SPATA17: variants seen among roughly 807,000 people sequenced by gnomAD.
The protein encoded by SPATA17 is spermatogenesis-associated protein 17.
In SPATA17, 53 loss-of-function variants were observed where a neutral mutation model predicts 62.2. The observed-to-expected ratio is 0.85, with a 90% confidence interval of 0.68 to 1.07. The LOEUF is 1.07. SPATA17 is among the 50% of genes least tolerant of loss of function. SPATA17 has a pLI of 0.00. For synonymous variants in SPATA17, 146 were observed against 146.8 expected, an observed-to-expected ratio of 0.99 and a Z score of 0.04; for missense variants, 466 against 425.5, an observed-to-expected ratio of 1.10 and a Z score of -0.84.
chr1:217,668,944 A>G, intron 3 of SPATA17, 89 bp from the exon 4 acceptor site: 1 of 1,123,092 alleles, frequency 8.9e-7, no homozygotes, highest in East Asian at 2.4e-5. Context: ...TGTATTATGT[A>G]TAAAGATTCT....
chr1:217,747,469 A>C lies in SPATA17; in HGVS notation c.519+5371A>C, dbSNP rs1345138292. ...AATCTTCCTGGAGATTAGAAAAATTACAGACACAAATGTAAAATTCAAGAT... is the reference window on the plus strand; with the variant it reads ...AATCTTCCTGGAGATTAGAAAAATTCCAGACACAAATGTAAAATTCAAGAT... On this transcript the variant is annotated intron_variant, in intron 6 of 10. Transcript: ENST00000366933. Among the ~76,000 whole-genome samples, 7 of 152,274 alleles carry C rather than the reference A, an allele frequency of 4.6e-5. No individual in the cohort carries two copies. In the East Asian group the frequency reaches 1.4e-3, roughly 29 times the overall value.
At chr1:217,648,009 C>T (rs1670228578) in intron 1 of SPATA17, among the ~76,000 whole-genome samples, 1 of 152,122 alleles carries the variant, frequency 6.6e-6, no homozygotes, top group Non-Finnish European at 1.5e-5. Context: ...AGGCATGAGT[C>T]ACCAAGCGGG....
intron 3 of SPATA17, among the ~76,000 whole-genome samples, chr1:217,660,975 G>A (rs1202146347): frequency 6.6e-6 from 1 of 152,188 alleles, no homozygotes; most frequent in Admixed American, 6.5e-5. Context: ...ACACCTCCAT[G>A]TGGTGGTATC....
At chr1:217,638,399 T>C (rs914467337) in intron 1 of SPATA17, among the ~76,000 whole-genome samples, 5 of 152,192 alleles carry the variant, frequency 3.3e-5, no homozygotes, top group African/African-American at 1.2e-4. Flanking sequence ...GATGGTTCCA[T>C]TTAATTCAAA....
At chr1:217,804,975 G>T (rs1184853597) in intron 9 of SPATA17, among the ~76,000 whole-genome samples, 1 of 152,058 alleles carries the variant, frequency 6.6e-6, no homozygotes, top group African/African-American at 2.4e-5. Context: ...GAAAATGGAG[G>T]TTCTTCAAAA....
intron 6 of SPATA17, among the ~76,000 whole-genome samples, chr1:217,761,117 C>T (rs1673163197): frequency 6.6e-6 from 1 of 152,132 alleles, no homozygotes; most frequent in Non-Finnish European, 1.5e-5. Context: ...CCAGGAATCT[C>T]CTAAGTATAA....
At chr1:217,854,214 C>T (rs1314748096) in intron 9 of SPATA17, among the ~76,000 whole-genome samples, 1 of 152,178 alleles carries the variant, frequency 6.6e-6, no homozygotes, top group African/African-American at 2.4e-5. Context: ...GTTACAGGCA[C>T]ATACTCTTAC....
At chr1:217,736,693 T>TTA (rs1287902353) in intron 5 of SPATA17, among the ~76,000 whole-genome samples, 3 of 152,188 alleles carry the variant, frequency 2.0e-5, no homozygotes, top group African/African-American at 7.2e-5. Context: ...CTGAAAGGCC[T>TTA]TGTAGGTTTG....
intron 5 of SPATA17, among the ~76,000 whole-genome samples, chr1:217,719,631 A>C (rs763719815): frequency 2.0e-5 from 3 of 152,214 alleles, no homozygotes; most frequent in Non-Finnish European, 4.4e-5. Context: ...ATTTGAACTG[A>C]GAAAATATAA....
chr1:217,669,156 A>G, intron 4 of SPATA17, 73 bp downstream of exon 4: 1 of 1,329,762 alleles, frequency 7.5e-7, no homozygotes, highest in Non-Finnish European at 1.1e-6. Flanking sequence ...TAAAATGAGC[A>G]AAGCAGAATA....
chr1:217,651,073 A>T (rs1670302067), intron 2 of SPATA17, 24 bp from the exon 3 acceptor site: 1 of 1,535,066 alleles, frequency 6.5e-7, no homozygotes, highest in Admixed American at 1.8e-5. Flanking sequence ...AAGGATACTA[A>T]TAAGCATATT....
intron 5 of SPATA17, among the ~76,000 whole-genome samples, chr1:217,733,139 C>CA (rs1449807332): frequency 6.6e-6 from 1 of 152,062 alleles, no homozygotes; most frequent in Non-Finnish European, 1.5e-5. Flanking sequence ...ATACTAAAGT[C>CA]ATGGTATTGT....
rs1438255576 is a variant in SPATA17 at position 217,850,700 on chromosome 1, C to T, written c.1006-12074C>T. The T allele has an allele frequency of 3.2e-6, 4 of 1,255,552 alleles. No homozygotes were observed. The East Asian group carries it at 7.2e-5, about 23-fold the overall frequency. The allele number at this position is 1,255,552 out of a possible 1,614,324, so 77.8% of individuals were successfully genotyped here. On this transcript the variant is annotated intron_variant, in intron 9 of 10. Transcript: ENST00000366933. ...TCATGTCCAGCCACAGGAACACCTCCACACGCTCACCCGACAAAGCCATTC... is the reference window on the plus strand; with the variant it reads ...TCATGTCCAGCCACAGGAACACCTCTACACGCTCACCCGACAAAGCCATTC...
chr1:217,711,061 C>A (rs1245065597), intron 5 of SPATA17, among the ~76,000 whole-genome samples: 1 of 152,214 alleles, frequency 6.6e-6, no homozygotes, highest in Non-Finnish European at 1.5e-5. Flanking sequence ...ACCTGTTAAT[C>A]AGCTGATGGA....
intron 9 of SPATA17, among the ~76,000 whole-genome samples, chr1:217,829,799 T>C (rs1675090843): frequency 6.6e-6 from 1 of 151,812 alleles, no homozygotes; most frequent in African/African-American, 2.4e-5. Context: ...TATTTATATA[T>C]AGGTCAAAAG....
chr1:217,688,336 A>G (rs1030509728), intron 5 of SPATA17, among the ~76,000 whole-genome samples: 2 of 152,184 alleles, frequency 1.3e-5, no homozygotes, highest in Non-Finnish European at 1.5e-5. Flanking sequence ...TTTCTACCAA[A>G]ACACCTACTC....
intron 1 of SPATA17, among the ~76,000 whole-genome samples, chr1:217,637,528 A>C (rs1462520992): frequency 1.3e-5 from 2 of 152,158 alleles, no homozygotes; most frequent in African/African-American, 4.8e-5. Context: ...CTGAGGTATA[A>C]TGTTCCTTAA....
intron 6 of SPATA17, among the ~76,000 whole-genome samples, chr1:217,756,772 A>G (rs1006608325): frequency 1.6e-4 from 24 of 152,182 alleles, no homozygotes; most frequent in African/African-American, 5.8e-4. Context: ...GTCATGCCAG[A>G]AAAAGAACAA....
intron 6 of SPATA17, among the ~76,000 whole-genome samples, chr1:217,761,799 G>C (rs535240715): frequency 1.3e-5 from 2 of 152,298 alleles, no homozygotes; most frequent in East Asian, 3.9e-4. Flanking sequence ...AGATGTCCCA[G>C]AAAGTTCTTT....
Sources: allele counts gnomAD v4.1 joint callset (sites outside exome capture counted in the v4.1 genomes callset), GRCh38; gene constraint gnomAD v4.1.1; transcripts MANE v1.5; gene names NCBI Gene and HGNC (gene_info 2026-07-23, HGNC 2026-07-21).